Variants in DOCK2 observed in about 807,000 individuals in gnomAD.
DOCK2 encodes the protein dedicator of cytokinesis protein 2.
Under a neutral mutation model 248.9 loss-of-function variants are expected in DOCK2, and 87 were observed. That is an observed-to-expected ratio of 0.35 (90% CI 0.29 to 0.42). DOCK2 has a LOEUF of 0.42. Ranked by LOEUF, DOCK2 falls within the 10% of genes least tolerant of loss-of-function variation. The pLI, the probability that DOCK2 is intolerant of heterozygous loss-of-function variation, is 1.00. For missense variants in DOCK2, 1,747 were observed against 2,300.2 expected, an observed-to-expected ratio of 0.76 and a Z score of 4.92; for synonymous variants, 805 against 821.6, an observed-to-expected ratio of 0.98 and a Z score of 0.35.
At chr5:170,018,801 T>G (rs986680062) in intron 32 of DOCK2, among the ~76,000 whole-genome samples, 159 bp from the exon 33 acceptor site, 3 of 152,242 alleles carry the variant, frequency 2.0e-5, no homozygotes, top group African/African-American at 7.2e-5. Flanking sequence ...ATATGTTAAG[T>G]GTTCAAAACG....
intron 27 of DOCK2, chr5:169,882,681 C>T (rs1325529524): frequency 6.4e-7 from 1 of 1,552,090 alleles, no homozygotes; most frequent in African/African-American, 1.4e-5. Flanking sequence ...AGAGTTCACC[C>T]CGTGCCAGGT....
intron 14 of DOCK2, among the ~76,000 whole-genome samples, chr5:169,705,075 T>C (rs1761189852): frequency 6.6e-6 from 1 of 152,004 alleles, no homozygotes; most frequent in South Asian, 2.1e-4. Flanking sequence ...GGCACGAGAA[T>C]TGCTTGAACC....
intron 27 of DOCK2, among the ~76,000 whole-genome samples, chr5:169,888,669 A>G (rs1773111685): frequency 6.6e-6 from 1 of 152,210 alleles, no homozygotes; most frequent in Non-Finnish European, 1.5e-5. Context: ...TACGTAGATG[A>G]GACTCTTCCA....
chr5:170,050,396 G>C lies in DOCK2; in HGVS notation c.4212G>C (p.Gln1404His). The change falls in exon 41 of 52, where the codon CAG (glutamine) becomes CAC (histidine). Residue 1404 changes from glutamine to histidine, a missense_variant and splice_region_variant. Gln to His is a conservative substitution (Grantham distance 24). Coordinates refer to ENST00000520908, the MANE Select transcript of DOCK2 (RefSeq NM_004946.3). Reference protein sequence around the residue: ...PGDDVKNAPGQYIQCFTVQPV... With the variant: ...PGDDVKNAPGHYIQCFTVQPV... Reference sequence around the variant, plus strand: ...ATGATGTGAAGAATGCCCCAGGCCAGTGTATCCTTGGAGAATGCCCTAGCC... The same window carrying C: ...ATGATGTGAAGAATGCCCCAGGCCACTGTATCCTTGGAGAATGCCCTAGCC... The C allele has an allele frequency of 1.2e-6, 2 of 1,613,708 alleles. No individual in the cohort carries two copies. The highest frequency in any genetic ancestry group is 2.2e-5 in the South Asian group (2 of 91,018).
chr5:169,706,707 G>A (rs1271943589), intron 14 of DOCK2, among the ~76,000 whole-genome samples: 3 of 152,206 alleles, frequency 2.0e-5, no homozygotes, highest in Non-Finnish European at 2.9e-5. Context: ...GGTTACACTT[G>A]TTTTTCTTTT....
At chr5:169,641,468 G>A (rs746687131) in intron 1 of DOCK2, among the ~76,000 whole-genome samples, 1 of 152,166 alleles carries the variant, frequency 6.6e-6, no homozygotes, top group Non-Finnish European at 1.5e-5. Context: ...AATGTGTGCT[G>A]GTGTCATTTG....
chr5:170,044,495 A>G (rs910392440), intron 38 of DOCK2, among the ~76,000 whole-genome samples: 3 of 152,180 alleles, frequency 2.0e-5, no homozygotes, highest in African/African-American at 7.2e-5. Flanking sequence ...ACCCATGGGG[A>G]GAGCGTTTCT....
intron 27 of DOCK2, among the ~76,000 whole-genome samples, chr5:169,963,030 G>A (rs1347540924): frequency 6.6e-6 from 1 of 152,138 alleles, no homozygotes. Context: ...CTTAAGTGGG[G>A]CTTTGGGACT....
At chr5:169,638,807 A>C (rs1197297038) in intron 1 of DOCK2, among the ~76,000 whole-genome samples, 1 of 152,088 alleles carries the variant, frequency 6.6e-6, no homozygotes, top group African/African-American at 2.4e-5. Flanking sequence ...ATTATTCCCA[A>C]CTTACAGGTG....
intron 1 of DOCK2, 72 bp from the exon 2 acceptor site, chr5:169,654,331 G>A (rs1439631804): frequency 3.2e-6 from 5 of 1,559,598 alleles, no homozygotes; most frequent in Admixed American, 3.4e-5. Context: ...CTTGAGGCAG[G>A]GAAAGCAGGA....
intron 42 of DOCK2, 57 bp from the exon 43 acceptor site, chr5:170,056,627 C>G (rs372639732): frequency 1.4e-6 from 2 of 1,448,484 alleles, no homozygotes; most frequent in African/African-American, 1.4e-5. Flanking sequence ...AGGGTCAGAT[C>G]GGGTGTCAGC....
intron 51 of DOCK2, among the ~76,000 whole-genome samples, chr5:170,082,539 A>G (rs1021427208): frequency 4.6e-5 from 7 of 151,932 alleles, no homozygotes; most frequent in African/African-American, 1.7e-4. Context: ...TTGAGCTCCC[A>G]CTCTTAGGAT....
In DOCK2 at chr5:169,803,117, A is replaced by G; in HGVS notation, c.2614A>G (p.Lys872Glu). Reference sequence around the variant, plus strand: ...AGAGCTGAAGGAGCTGCTGGAGCAGAAGGATGACATGCAACACCAGGTCCT... The same window carrying G: ...AGAGCTGAAGGAGCTGCTGGAGCAGGAGGATGACATGCAACACCAGGTCCT... ...TKELKELLEQ[K>E]DDMQHQVLER... Residue 872 changes from lysine to glutamate, a missense_variant, in exon 26 of 52, where the codon AAG (lysine) becomes GAG (glutamate). Transcript: ENST00000520908. 1 of 1,614,210 alleles carries G rather than the reference A, an allele frequency of 6.2e-7. No individual in the cohort carries two copies. Among genetic ancestry groups the G allele is most frequent in the East Asian group, 2.2e-5 (1 of 44,890 alleles).
At chr5:169,683,254 G>A (rs1394738095) in intron 7 of DOCK2, among the ~76,000 whole-genome samples, 1 of 152,110 alleles carries the variant, frequency 6.6e-6, no homozygotes, top group East Asian at 1.9e-4. Flanking sequence ...TTGAGACAGG[G>A]TCTCTCACTC....
intron 26 of DOCK2, among the ~76,000 whole-genome samples, 199 bp downstream of exon 26, chr5:169,803,405 AT>A (rs1204235241): frequency 1.3e-5 from 2 of 152,050 alleles, no homozygotes; most frequent in African/African-American, 4.8e-5. Context: ...TCATGTTAGC[AT>A]TTTGTCTCTG....
chr5:169,760,197 C>G (rs1764406285), intron 24 of DOCK2, among the ~76,000 whole-genome samples: 1 of 152,164 alleles, frequency 6.6e-6, no homozygotes, highest in Admixed American at 6.5e-5. Flanking sequence ...TAACTACGTT[C>G]AGCTCATAGA....
At position 169,985,821 on chromosome 5, in the gene DOCK2, G is replaced by T; in HGVS notation, c.2899-7G>T. On this transcript the variant is annotated splice_polypyrimidine_tract_variant and splice_region_variant and intron_variant, in intron 28 of 51. Transcript: ENST00000520908. ...GATGACATGTGTGCTGTGCTTCATT[G>T]TTTCAGGACTTCTTGATGGAGACCT... 1 of 1,604,552 alleles carries T rather than the reference G, an allele frequency of 6.2e-7. No homozygotes were observed. The highest frequency in any genetic ancestry group is 8.5e-7 in the Non-Finnish European group (1 of 1,174,404).
At chr5:169,859,181 C>T (rs917525241) in intron 27 of DOCK2, among the ~76,000 whole-genome samples, 1 of 152,130 alleles carries the variant, frequency 6.6e-6, no homozygotes, top group Non-Finnish European at 1.5e-5. Flanking sequence ...AATGAGAGAA[C>T]CAAACTCTGT....
intron 23 of DOCK2, among the ~76,000 whole-genome samples, chr5:169,754,469 T>G (rs1764080887): frequency 6.6e-6 from 1 of 152,214 alleles, no homozygotes; most frequent in Non-Finnish European, 1.5e-5. Context: ...AGCATTTTCC[T>G]GTTGGCCATT....
Sources: allele counts gnomAD v4.1 joint callset (sites outside exome capture counted in the v4.1 genomes callset), GRCh38; gene constraint gnomAD v4.1.1; transcripts MANE v1.5; gene names NCBI Gene and HGNC (gene_info 2026-07-23, HGNC 2026-07-21).